The following BFSP1 variants were observed in gnomAD, a reference collection of about 807,000 sequenced individuals.
The protein encoded by BFSP1 is beaded filament structural protein 1.
In BFSP1, 38 loss-of-function variants were observed where a neutral mutation model predicts 43.9. That is an observed-to-expected ratio of 0.87 (90% CI 0.67 to 1.14). The LOEUF is 1.14. Ranked by LOEUF, BFSP1 falls within the 50% of genes most tolerant of loss-of-function variation. BFSP1 has a pLI of 0.00. For missense variants in BFSP1, 850 were observed against 875.1 expected (o/e 0.97, Z 0.36); for synonymous variants, 352 against 354.8 (o/e 0.99, Z 0.09).
At chr20:17,503,971 A>G (rs1040091182) in intron 5 of BFSP1, among the ~76,000 whole-genome samples, 3 of 152,170 alleles carry the variant, frequency 2.0e-5, no homozygotes, top group Non-Finnish European at 4.4e-5. Context: ...TTTCTACCCT[A>G]CAAGTGGAGT....
At chr20:17,548,123 T>C (rs538226149) in intron 1 of BFSP1, among the ~76,000 whole-genome samples, 154 of 148,964 alleles carry the variant, frequency 1.0e-3, no homozygotes, top group African/African-American at 3.6e-3. Flanking sequence ...AGAATGTTAG[T>C]TTGGAGTTGT....
intron 1 of BFSP1, among the ~76,000 whole-genome samples, chr20:17,546,264 CAAG>C (rs1032917948): frequency 5.3e-5 from 8 of 152,132 alleles, no homozygotes; most frequent in Non-Finnish European, 8.8e-5. Context: ...CGTGAGACTG[CAAG>C]AAGAACTACC....
intron 1 of BFSP1, among the ~76,000 whole-genome samples, chr20:17,553,812 C>CATATAT (rs1190143896): frequency 0.15 from 14,831 of 102,052 alleles, 1,729 homozygotes; most frequent in Non-Finnish European, 0.18. Flanking sequence ...CACACACACA[C>CATATAT]ACACACACAC....
At chr20:17,531,791 AT>A (rs1401542609), upstream of BFSP1, among the ~76,000 whole-genome samples, 37 of 141,960 alleles carry the variant, frequency 2.6e-4, 2 homozygotes, top group African/African-American at 4.4e-4. Context: ...TAACAATGCC[AT>A]TTTTTTTTTC....
intron 6 of BFSP1, among the ~76,000 whole-genome samples, chr20:17,497,476 A>ACACACG (rs2033666249): frequency 6.7e-6 from 1 of 148,602 alleles, no homozygotes; most frequent in Non-Finnish European, 1.5e-5. Flanking sequence ...ACACACGTAT[A>ACACACG]TATACGTGTG....
rs2033725283 is a variant in BFSP1, at chr20:17,498,954, C to T, written c.822G>A (p.Leu274=). 1 of 1,614,220 alleles carries T rather than the reference C, an allele frequency of 6.2e-7. No homozygotes were observed. The highest frequency in any genetic ancestry group is 8.5e-7 in the Non-Finnish European group (1 of 1,180,030). Residue 274 remains leucine, a synonymous_variant, in exon 6 of 8, where the codon CTG becomes CTA. Coordinates refer to ENST00000377873, the MANE Select transcript of BFSP1 (RefSeq NM_001195.5). ...GCTCTGTCTCCTCAATCTCCTTGCG[C>T]AGTGTCTCAATCTGCTCGTTATAAA... ...IQLYNEQIET[L]RKEIEETERV... is the part of the protein sequence containing the mutation.
intron 5 of BFSP1, among the ~76,000 whole-genome samples, chr20:17,506,256 A>G (rs540311574): frequency 2.2e-4 from 34 of 152,284 alleles, no homozygotes; most frequent in African/African-American, 7.9e-4. Context: ...CAGCCTCTGG[A>G]CAAGGGCCCA....
intron 1 of BFSP1, among the ~76,000 whole-genome samples, chr20:17,547,462 A>G (rs2034822746): frequency 6.6e-6 from 1 of 152,180 alleles, no homozygotes; most frequent in Non-Finnish European, 1.5e-5. Context: ...TATTTGGGCC[A>G]TTATTAGCTT....
Position 17,496,900 on chromosome 20 carries a change from A to G in BFSP1, c.1042+38T>C, listed in dbSNP as rs1442944388. ...AGAGAGCCGCTTGGTTTTTTTCAAG[A>G]CAGAAAAAAACAGAAGTCCAGTGTT... On this transcript the variant is annotated intron_variant, in intron 7 of 7. Coordinates refer to ENST00000377873, the MANE Select transcript of BFSP1 (RefSeq NM_001195.5). The G allele has an allele frequency of 8.2e-6, 12 of 1,461,850 alleles. No individual in the cohort carries two copies. In the East Asian group the frequency reaches 3.1e-4, roughly 38 times the overall value. The allele number at this position is 1,461,850 out of a possible 1,614,324, so 90.6% of individuals were successfully genotyped here.
At chr20:17,566,512 A>G (rs76395421) in intron 1 of BFSP1, among the ~76,000 whole-genome samples, 192 of 152,334 alleles carry the variant, frequency 1.3e-3, no homozygotes, top group African/African-American at 4.3e-3. Context: ...AACAACAGCA[A>G]TTTACTTCTC....
intron 1 of BFSP1, among the ~76,000 whole-genome samples, chr20:17,554,325 A>G (rs1320891201): frequency 6.6e-6 from 1 of 152,198 alleles, no homozygotes; most frequent in Admixed American, 6.5e-5. Flanking sequence ...GTGTTTTCAC[A>G]AACACAAAAC....
intron 1 of BFSP1, among the ~76,000 whole-genome samples, chr20:17,568,860 G>A (rs1395232986): frequency 2.0e-5 from 3 of 151,918 alleles, no homozygotes; most frequent in East Asian, 1.9e-4. Context: ...AATTAAAATA[G>A]TTTTGGTCGA....
intron 6 of BFSP1, among the ~76,000 whole-genome samples, chr20:17,497,579 TACGTATATATATAC>T: frequency 1.2e-5 from 1 of 84,696 alleles, no homozygotes; most frequent in African/African-American, 4.6e-5. Context: ...TATGTATATA[TACGTATATATATAC>T]GTGTATATAT....
intron 2 of BFSP1, chr20:17,516,783 T>C (rs1251123275): frequency 1.5e-5 from 7 of 469,546 alleles, no homozygotes; most frequent in Non-Finnish European, 2.7e-5. Flanking sequence ...CCCTTAGGAA[T>C]GTATCTTAAA....
chr20:17,562,128 G>T (rs2035071881), upstream of BFSP1, among the ~76,000 whole-genome samples: 1 of 151,822 alleles, frequency 6.6e-6, no homozygotes, highest in African/African-American at 2.4e-5. Context: ...CACTATGTTG[G>T]CCAGACTGGT....
At position 17,512,046 on chromosome 20, in the gene BFSP1, T is replaced by C. The variant is rs749766370; in HGVS notation, c.557A>G (p.Tyr186Cys). The C allele has an allele frequency of 6.2e-7, 1 of 1,610,134 alleles. No homozygotes were observed. The highest frequency in any genetic ancestry group is 1.1e-5 in the South Asian group (1 of 90,988). ...HKKNLLEVQT[Y>C]ISILQQIIHT... The stretch of plus-strand genomic sequence containing the variant: ...GATGATCTGCTGCAGGATGCTGATA[T>C]AGGTCTGAACTTCCAGAAGATTCTG... Residue 186 changes from tyrosine (Y) to cysteine (C), a missense_variant, in exon 4 of 8, where the codon TAT becomes TGT. Physicochemically the swap from Tyr to Cys is radical, Grantham distance 194. Transcript: ENST00000377873.
chr20:17,499,111 A>T, intron 5 of BFSP1, 71 bp from the exon 6 acceptor site: 1 of 1,361,116 alleles, frequency 7.3e-7, no homozygotes, highest in Admixed American at 1.7e-5. Context: ...CACCAGGAAA[A>T]GGAACCTGGA....
intron 1 of BFSP1, among the ~76,000 whole-genome samples, chr20:17,542,605 A>C (rs947907947): frequency 4.0e-5 from 6 of 149,062 alleles, no homozygotes; most frequent in Non-Finnish European, 9.0e-5. Context: ...TCTTAAAAAG[A>C]AAAAAAAAAG....
intron 1 of BFSP1, among the ~76,000 whole-genome samples, chr20:17,542,418 C>T (rs1399482616): frequency 7.3e-6 from 1 of 136,468 alleles, no homozygotes; most frequent in Non-Finnish European, 1.6e-5. Context: ...ACAGAGACCT[C>T]ATCTCTACCA....
Sources: gnomAD v4.1 joint callset for allele counts (sites outside exome capture counted in the v4.1 genomes callset) on GRCh38, gnomAD v4.1.1 for gene constraint, MANE v1.5 for transcripts, NCBI Gene and HGNC (gene_info 2026-07-23, HGNC 2026-07-21) for gene names.